The following GIT2 variants were observed in gnomAD, a reference collection of about 807,000 sequenced individuals.
GIT2 encodes ARF GTPase-activating protein GIT2.
A neutral mutation model predicts 100.3 loss-of-function variants in GIT2; 32 were observed. The ratio of observed to expected loss-of-function variants is 0.32; its 90% CI spans 0.24 to 0.43. The LOEUF (loss-of-function observed/expected upper bound fraction) is 0.43. Ranked by LOEUF, GIT2 falls within the 20% of genes least tolerant of loss-of-function variation. GIT2 has a pLI of 1.00. For missense variants in GIT2, 737 were observed against 975.1 expected (o/e 0.76, Z 3.25); for synonymous variants, 353 against 364.1 (o/e 0.97, Z 0.35).
At position 109,947,489 on chromosome 12, in the gene GIT2, T is replaced by C. The variant is rs1394142012; in HGVS notation, c.1408A>G (p.Ser470Gly). 6.2e-7 allele frequency: 1 copy of C among 1,613,906 alleles called. No homozygotes were observed. The highest frequency in any genetic ancestry group is 2.2e-5 in the East Asian group (1 of 44,876). The change falls in exon 15 of 20, where the codon AGT (serine) becomes GGT (glycine). Residue 470 changes from serine (S) to glycine (G), a missense_variant. Physicochemically the swap from Ser to Gly is moderately conservative, Grantham distance 56. Coordinates refer to ENST00000355312, the MANE Select transcript of GIT2 (RefSeq NM_057169.5). The surrounding 1 kb of genome is among the most constrained non-coding windows in gnomAD (Gnocchi z 4.3). ...IMQKKLQTLQ[S>G]ENSNLRKQAT... ...TGTTTCCTGAGGTTCGAATTTTCAC[T>C]CTGGAGTGTTTGAAGCTGAAAGAAA...
rs949664521 is a variant in GIT2, at chr12:109,933,353, C to T, written c.2068-163G>A. 3 of 584,982 alleles carry T rather than the reference C, an allele frequency of 5.1e-6. No homozygotes were observed. In the Admixed American group the frequency reaches 9.0e-5, roughly 18 times the overall value. The allele number at this position is 584,982 out of a possible 1,614,324, so 36.2% of individuals were successfully genotyped here. On this transcript the variant is annotated intron_variant, in intron 19 of 19. Transcript: ENST00000355312. This position sits in a 1 kb window ranked among gnomAD's most constrained non-coding sequence, Gnocchi z 4.5. ...GCTTCACACACTCCAAGCTTTGCAGCCCACAGCGTAAGAGATGCTGAAATA... is the reference window on the plus strand; with the variant it reads ...GCTTCACACACTCCAAGCTTTGCAGTCCACAGCGTAAGAGATGCTGAAATA...
chr12:109,953,497 G>A, intron 12 of GIT2: 1 of 342,030 alleles, frequency 2.9e-6, no homozygotes, highest in South Asian at 4.0e-5. Context: ...TCACAGGCCT[G>A]TAGTCCCAGC....
In GIT2 at chr12:109,959,857, C is replaced by G. The variant is rs374462464; in HGVS notation, c.1089G>C (p.Ser363=). 3 of 1,605,748 alleles carry G rather than the reference C, an allele frequency of 1.9e-6. No homozygotes were observed. The highest frequency in any genetic ancestry group is 1.1e-5 in the South Asian group (1 of 90,858). ...AKRRQQGSSL[S]GSKDNVELIL... is the part of the protein sequence containing the mutation. Reference sequence around the variant, plus strand: ...GGTTTGAGCAGTTACCTTTTGAACCCGAGAGAGAACTGCCCTGCTGTCTCC... The same window carrying G: ...GGTTTGAGCAGTTACCTTTTGAACCGGAGAGAGAACTGCCCTGCTGTCTCC... The change falls in exon 12 of 20, where the codon TCG becomes TCC. Residue 363 remains serine, a synonymous_variant. Coordinates refer to ENST00000355312, the MANE Select transcript of GIT2 (RefSeq NM_057169.5).
Position 109,933,467 on chromosome 12 carries a change from G to A in GIT2, c.2068-277C>T. ...TTTTTGAAAAATATTAATCCATGTG[G>A]GTAAAATATTCCAGAAAATCCTATA... On this transcript the variant is annotated intron_variant, in intron 19 of 19. Transcript: ENST00000355312. The surrounding 1 kb of genome is among the most constrained non-coding windows in gnomAD (Gnocchi z 4.5). 3.0e-6 allele frequency: 1 copy of A among 338,608 alleles called. No homozygotes were observed. The highest frequency in any genetic ancestry group is 5.4e-6 in the Non-Finnish European group (1 of 185,986). 21.0% of individuals were successfully genotyped at this position (338,608 alleles called of 1,614,324 possible).
Position 109,948,010 on chromosome 12 carries a change from G to T in GIT2, c.1393-506C>A. ...GCAAAGCAAGAAAGACAGAAGTTCA[G>T]CTTGTGAAAAATCAGATCGCCTATT... On this transcript the variant is annotated intron_variant, in intron 14 of 19. Coordinates refer to ENST00000355312, the MANE Select transcript of GIT2 (RefSeq NM_057169.5). This position sits in a 1 kb window ranked among gnomAD's most constrained non-coding sequence, Gnocchi z 4.3. The T allele has an allele frequency of 4.7e-6, 2 of 428,428 alleles. No individual in the cohort carries two copies. The highest frequency in any genetic ancestry group is 6.2e-6 in the Non-Finnish European group (2 of 320,868). 26.5% of individuals were successfully genotyped at this position (428,428 alleles called of 1,614,324 possible).
chr12:109,934,152 T>G lies in GIT2; in HGVS notation c.2004-67A>C. The stretch of plus-strand genomic sequence containing the variant: ...GATTCGGAGGCAAAGAGGACTCAAG[T>G]GCTAGAACAGATTCTGTTTACATTC... On this transcript the variant is annotated intron_variant, in intron 18 of 19. Transcript: ENST00000355312. The surrounding 1 kb of genome is among the most constrained non-coding windows in gnomAD (Gnocchi z 4.5). 1.2e-6 allele frequency: 1 copy of G among 868,844 alleles called. No homozygotes were observed. Among genetic ancestry groups the G allele is most frequent in the Non-Finnish European group, 2.0e-6 (1 of 501,550 alleles). 53.8% of individuals were successfully genotyped at this position (868,844 alleles called of 1,614,324 possible). A position where few individuals can be genotyped will look rare whatever the true frequency, so the allele number is the denominator to read the frequency against.
At chr12:109,945,104 T>C (rs990682941) in intron 16 of GIT2, among the ~76,000 whole-genome samples, 156 bp downstream of exon 16, 16 of 151,860 alleles carry the variant, frequency 1.1e-4, no homozygotes, top group Non-Finnish European at 2.2e-4. Flanking sequence ...TGTGGACGAG[T>C]GTGAGCCTGA....
intron 11 of GIT2, 50 bp from the exon 12 acceptor site, chr12:109,960,008 CATAA>C (rs749384492): frequency 6.8e-6 from 8 of 1,181,754 alleles, no homozygotes; most frequent in Non-Finnish European, 8.8e-6. Context: ...AAAATATATA[CATAA>C]ATAGTCACAT....
At chr12:109,978,395 G>A (rs1566000247) in intron 7 of GIT2, among the ~76,000 whole-genome samples, 1 of 151,804 alleles carries the variant, frequency 6.6e-6, no homozygotes, top group Non-Finnish European at 1.5e-5. Context: ...AATTTAGAGG[G>A]TTTTTTTGGC....
intron 15 of GIT2, among the ~76,000 whole-genome samples, chr12:109,945,825 G>C (rs1876169103): frequency 1.3e-5 from 2 of 152,062 alleles, no homozygotes; most frequent in South Asian, 4.1e-4. Context: ...TTTGTCTTCA[G>C]CTATACAAAA....
intron 1 of GIT2, among the ~76,000 whole-genome samples, chr12:109,994,048 CCTGCAGTATAGTA>C (rs1480895529): frequency 2.0e-5 from 3 of 148,010 alleles, no homozygotes; most frequent in Admixed American, 6.8e-5. Context: ...AACACTGCTT[CCTGCAGTATAGTA>C]CTGACACTAA....
Position 109,951,268 on chromosome 12 carries a change from T to A in GIT2, c.1291A>T (p.Met431Leu). 6.2e-7 allele frequency: 1 copy of A among 1,611,750 alleles called. No individual in the cohort carries two copies. ...SDGPVTVQEF[M>L]EVKNALVASE... ...GCCACTAGAGCGTTTTTGACCTCCA[T>A]AAATTCCTGTACAGTGACTGGTCCA... Residue 431 changes from methionine (M) to leucine (L), a missense_variant, in exon 14 of 20, where the codon ATG becomes TTG. This residue lies in a region of GIT2 where 451 missense variants were observed against 543.7 expected (regional missense o/e 0.83). Transcript: ENST00000355312.
At chr12:109,979,089 T>G (rs1179060265) in intron 7 of GIT2, among the ~76,000 whole-genome samples, 1 of 152,106 alleles carries the variant, frequency 6.6e-6, no homozygotes, top group Non-Finnish European at 1.5e-5. Context: ...CCTCATCCCC[T>G]TGCTCAGAGA....
intron 4 of GIT2, among the ~76,000 whole-genome samples, chr12:109,985,419 A>AG (rs200835212): frequency 3.9e-4 from 59 of 151,564 alleles, no homozygotes; most frequent in South Asian, 1.0e-3. Flanking sequence ...GGATTAAAAA[A>AG]GGGGGGGGAA....
chr12:109,969,550 T>C (rs1181055138), intron 7 of GIT2, among the ~76,000 whole-genome samples: 1 of 152,130 alleles, frequency 6.6e-6, no homozygotes, highest in Non-Finnish European at 1.5e-5. Flanking sequence ...AAGAGGTTTC[T>C]TTTTCCCCCT....
chr12:109,961,108 A>G (rs1035237335), intron 11 of GIT2, among the ~76,000 whole-genome samples, 170 bp downstream of exon 11: 1 of 152,120 alleles, frequency 6.6e-6, no homozygotes, highest in Non-Finnish European at 1.5e-5. Context: ...CCAGTCATTT[A>G]TTTATAGTCT....
intron 12 of GIT2, 122 bp downstream of exon 12, chr12:109,959,725 A>C (rs990981062): frequency 1.5e-6 from 1 of 660,920 alleles, no homozygotes; most frequent in African/African-American, 1.8e-5. Context: ...AAAAACAAAC[A>C]AAAAACCAAA....
At chr12:109,951,998 G>A (rs1410638527) in intron 13 of GIT2, among the ~76,000 whole-genome samples, 1 of 152,134 alleles carries the variant, frequency 6.6e-6, no homozygotes, top group African/African-American at 2.4e-5. Flanking sequence ...GAGGCCAGGC[G>A]GTTGACAGAG....
At chr12:109,956,291 G>A (rs1269559665) in intron 12 of GIT2, among the ~76,000 whole-genome samples, 1 of 152,134 alleles carries the variant, frequency 6.6e-6, no homozygotes, top group Non-Finnish European at 1.5e-5. Context: ...ATGGCTCACT[G>A]CAGCCTCAAT....
Sources: gnomAD v4.1 joint callset for allele counts (sites outside exome capture counted in the v4.1 genomes callset) on GRCh38, gnomAD v4.1.1 for gene constraint, gnomAD v4.1.1 regional missense constraint, Gnocchi (gnomAD v3.1) non-coding constraint, MANE v1.5 for transcripts, NCBI Gene and HGNC (gene_info 2026-07-23, HGNC 2026-07-21) for gene names.